CDC42BPA: variants seen among roughly 807,000 people sequenced by gnomAD.
CDC42BPA encodes serine/threonine-protein kinase MRCK alpha.
A neutral mutation model predicts 223.5 loss-of-function variants in CDC42BPA; 80 were observed. That is an observed-to-expected ratio of 0.36 (90% CI 0.30 to 0.43). The LOEUF is 0.43. CDC42BPA is among the 20% of genes least tolerant of loss of function. The probability of loss-of-function intolerance (pLI) is 1.00; values close to 1 mark genes in which losing one functional copy is unlikely to be tolerated. For missense variants in CDC42BPA, 1,743 were observed against 2,099.9 expected, an observed-to-expected ratio of 0.83 and a Z score of 3.32; for synonymous variants, 694 against 718.6, an observed-to-expected ratio of 0.97 and a Z score of 0.55.
chr1:227,296,876 T>C (rs1245597499), intron 1 of CDC42BPA, among the ~76,000 whole-genome samples: 2 of 150,706 alleles, frequency 1.3e-5, no homozygotes, highest in African/African-American at 4.9e-5. Flanking sequence ...ATGCACATTA[T>C]CAAGAAAGTG....
chr1:227,018,610 A>G (rs1666762642), intron 32 of CDC42BPA, among the ~76,000 whole-genome samples: 2 of 152,196 alleles, frequency 1.3e-5, no homozygotes, highest in African/African-American at 4.8e-5. Flanking sequence ...ACACACAGTG[A>G]GAATAAGGTG....
intron 35 of CDC42BPA, among the ~76,000 whole-genome samples, chr1:226,995,606 G>A (rs1461549627): frequency 6.6e-6 from 1 of 152,220 alleles, no homozygotes; most frequent in East Asian, 1.9e-4. Flanking sequence ...ACAGGGCAAA[G>A]AGCCTGAGAT....
intron 1 of CDC42BPA, among the ~76,000 whole-genome samples, chr1:227,256,948 G>GACACACAGAC (rs1683155283): frequency 7.1e-6 from 1 of 141,006 alleles, no homozygotes; most frequent in Admixed American, 7.2e-5. Context: ...TATATATACA[G>GACACACAGAC]ACACACACAC....
Position 227,317,238 on chromosome 1 carries a change from T to C in CDC42BPA, c.-56A>G, listed in dbSNP as rs1390210334. 19 of 1,527,078 alleles carry C rather than the reference T, an allele frequency of 1.2e-5. No homozygotes were observed. The Admixed American group carries it at 2.8e-4, about 22-fold the overall frequency. 94.6% of individuals were successfully genotyped at this position (1,527,078 alleles called of 1,614,324 possible). On this transcript the variant is annotated 5_prime_UTR_variant, in exon 1 of 37. It adds an upstream start codon to the 5' untranslated region. Coordinates refer to ENST00000366766, the MANE Select transcript of CDC42BPA (RefSeq NM_001394014.1). ...AAATTATTATGATGACTTTTACTATTATCTGAACCTAAATTTTAAAAGGTA... is the reference window on the plus strand; with the variant it reads ...AAATTATTATGATGACTTTTACTATCATCTGAACCTAAATTTTAAAAGGTA...
intron 3 of CDC42BPA, among the ~76,000 whole-genome samples, chr1:227,206,126 C>A (rs1393775623): frequency 6.6e-6 from 1 of 152,196 alleles, no homozygotes; most frequent in Admixed American, 6.5e-5. Context: ...AACTATACCG[C>A]ATCTCCTCAT....
intron 22 of CDC42BPA, among the ~76,000 whole-genome samples, chr1:227,051,090 A>G (rs1673447896): frequency 6.6e-6 from 1 of 152,202 alleles, no homozygotes; most frequent in African/African-American, 2.4e-5. Flanking sequence ...AGAGTTGGAA[A>G]AATCAAGTCA....
intron 30 of CDC42BPA, among the ~76,000 whole-genome samples, chr1:227,027,343 G>A (rs939744026): frequency 5.3e-5 from 8 of 152,000 alleles, no homozygotes; most frequent in African/African-American, 1.4e-4. Context: ...AAACTTTCTC[G>A]CACTGAACCT....
At chr1:227,289,395 A>C (rs1689327727) in intron 1 of CDC42BPA, among the ~76,000 whole-genome samples, 1 of 152,172 alleles carries the variant, frequency 6.6e-6, no homozygotes, top group Non-Finnish European at 1.5e-5. Context: ...AGATAGTCAC[A>C]TGGCTGGCAC....
In CDC42BPA at chr1:227,069,868, C is replaced by A; in HGVS notation, c.2828-15G>T. 1 of 1,595,724 alleles carries A rather than the reference C, an allele frequency of 6.3e-7. No homozygotes were observed. The highest frequency in any genetic ancestry group is 8.6e-7 in the Non-Finnish European group (1 of 1,165,510). ...GTGCTCTATACCTAGAAGACAGCAG[C>A]AACTTTTTTTAAGGCTACAACAATT... On this transcript the variant is annotated splice_polypyrimidine_tract_variant and intron_variant, in intron 20 of 36. Transcript: ENST00000366766.
chr1:227,059,331 A>T, intron 21 of CDC42BPA: 2 of 1,527,310 alleles, frequency 1.3e-6, no homozygotes, highest in Non-Finnish European at 1.8e-6. Context: ...GAGAGGGGTA[A>T]AAGGCCTCAG....
chr1:227,028,861 C>T lies in CDC42BPA; in HGVS notation c.4228G>A (p.Glu1410Lys). 6.2e-7 allele frequency: 1 copy of T among 1,613,668 alleles called. No individual in the cohort carries two copies. Among genetic ancestry groups the T allele is most frequent in the Non-Finnish European group, 8.5e-7 (1 of 1,179,664 alleles). The change falls in exon 30 of 37, where the codon GAA becomes AAA. Residue 1410 changes from glutamate to lysine, a missense_variant. Transcript: ENST00000366766. ...SGFLRYPLNG[E>K]GNPYSMLHSN... is the part of the protein sequence containing the mutation. ...TGGAGCATACTGTATGGATTTCCTT[C>T]TCCATTCAAGGGGTATCTTAGAAAT...
chr1:227,292,822 T>C (rs766716926), intron 1 of CDC42BPA, among the ~76,000 whole-genome samples: 1 of 152,220 alleles, frequency 6.6e-6, no homozygotes, highest in African/African-American at 2.4e-5. Context: ...ATTATTTGAA[T>C]GACTACCCTT....
Position 227,005,013 on chromosome 1 carries a change from A to G in CDC42BPA, c.4956T>C (p.Ala1652=), listed in dbSNP as rs150430697. 4.8e-4 allele frequency: 773 copies of G among 1,613,560 alleles called. No homozygotes were observed. Among genetic ancestry groups the G allele is most frequent in the Non-Finnish European group, 6.4e-4 (756 of 1,179,536 alleles). The part of the protein sequence containing the change: ...SRPEPGRSMS[A]SSGLSARSSA... ...ACTTACTTGCTGACAAGCCACTGCT[A>G]GCACTCATGGAGCGGCCTGGCTCAG... Residue 1652 remains alanine, a synonymous_variant, in exon 35 of 37, where the codon GCT becomes GCC. Coordinates refer to ENST00000366766, the MANE Select transcript of CDC42BPA (RefSeq NM_001394014.1).
At chr1:227,090,065 G>A (rs1682792724) in intron 16 of CDC42BPA, among the ~76,000 whole-genome samples, 1 of 151,992 alleles carries the variant, frequency 6.6e-6, no homozygotes, top group Non-Finnish European at 1.5e-5. Context: ...TTATTTCAAT[G>A]GAAATAACTG....
At chr1:227,022,411 C>A (rs1288033614) in intron 32 of CDC42BPA, among the ~76,000 whole-genome samples, 1 of 149,204 alleles carries the variant, frequency 6.7e-6, no homozygotes, top group African/African-American at 2.5e-5. Context: ...ATAGCCTGGG[C>A]AACAGAGTGA....
At chr1:227,166,726 C>A (rs1486787148) in intron 5 of CDC42BPA, among the ~76,000 whole-genome samples, 2 of 152,172 alleles carry the variant, frequency 1.3e-5, no homozygotes, top group South Asian at 2.1e-4. Flanking sequence ...TGAGGAGAAG[C>A]CACACATTCC....
chr1:227,081,678 T>G (rs893707800), intron 16 of CDC42BPA, among the ~76,000 whole-genome samples: 1 of 152,034 alleles, frequency 6.6e-6, no homozygotes, highest in Admixed American at 6.6e-5. Flanking sequence ...GGTCTCAAAC[T>G]CCTGACCTCA....
At chr1:227,261,100 TTTTAACAGAATAA>T (rs1683959051) in intron 1 of CDC42BPA, among the ~76,000 whole-genome samples, 1 of 147,380 alleles carries the variant, frequency 6.8e-6, no homozygotes, top group Non-Finnish European at 1.5e-5. Context: ...TATTAAAATT[TTTTAACAGAATAA>T]TTGAGTTTTT....
chr1:227,259,303 A>C (rs1175357754), intron 1 of CDC42BPA, among the ~76,000 whole-genome samples: 6 of 151,074 alleles, frequency 4.0e-5, no homozygotes. Context: ...TCTGCAGATG[A>C]TTACAAGAAT....
Sources: gnomAD v4.1 joint callset for allele counts (sites outside exome capture counted in the v4.1 genomes callset) on GRCh38, gnomAD v4.1.1 for gene constraint, MANE v1.5 for transcripts, NCBI Gene and HGNC (gene_info 2026-07-23, HGNC 2026-07-21) for gene names.